The following LIPI variants were observed in gnomAD, a reference collection of about 807,000 sequenced individuals.
LIPI encodes the protein lipase I, also known as lipase member I.
LIPI carries 59 observed loss-of-function variants against 50.6 expected under a neutral mutation model. The ratio of observed to expected loss-of-function variants is 1.16; its 90% CI spans 0.94 to 1.45. The LOEUF is 1.45. LIPI is among the 40% of genes most tolerant of loss of function. LIPI has a pLI of 0.00. For synonymous variants in LIPI, 203 were observed against 178.2 expected (o/e 1.14, Z -1.11); for missense variants, 586 against 536.3 (o/e 1.09, Z -0.92).
At chr21:14,146,545 A>T (rs2017911415) in intron 8 of LIPI, among the ~76,000 whole-genome samples, 1 of 152,154 alleles carries the variant, frequency 6.6e-6, no homozygotes, top group African/African-American at 2.4e-5. Flanking sequence ...TTCCTGCAAC[A>T]GCATCTTGCT....
At chr21:14,162,825 C>T (rs1045923006) in intron 7 of LIPI, among the ~76,000 whole-genome samples, 2 of 151,930 alleles carry the variant, frequency 1.3e-5, no homozygotes, top group African/African-American at 2.4e-5. Context: ...TAATTCAAAA[C>T]TTCCTCCATA....
chr21:14,172,252 C>A (rs967966783), intron 4 of LIPI, among the ~76,000 whole-genome samples: 1 of 151,574 alleles, frequency 6.6e-6, no homozygotes, highest in African/African-American at 2.4e-5. Context: ...AATAGGAACA[C>A]TTTTACACTG....
chr21:14,206,843 C>A, intron 1 of LIPI: 1 of 1,611,462 alleles, frequency 6.2e-7, no homozygotes, highest in Non-Finnish European at 8.5e-7. Flanking sequence ...CTAGAAGCCA[C>A]AGGACATTTC....
rs1466064707 is a variant in LIPI at position 14,163,111 on chromosome 21, A to G, written c.1006+308T>C. Among the ~76,000 whole-genome samples, 3 of 150,802 alleles carry G rather than the reference A, an allele frequency of 2.0e-5. No homozygotes were observed. In the East Asian group the frequency reaches 5.8e-4, roughly 29 times the overall value. On this transcript the variant is annotated intron_variant, in intron 7 of 9. Coordinates refer to ENST00000681601, the MANE Select transcript of LIPI (RefSeq NM_001302998.2). Reference sequence around the variant, plus strand: ...CAGACTGTATATATATATATATATCATAGGCTCCTTAATATGTTACATGCC... The same window carrying G: ...CAGACTGTATATATATATATATATCGTAGGCTCCTTAATATGTTACATGCC...
At position 14,132,053 on chromosome 21, in the gene LIPI, C is replaced by G. The variant is rs190059383; in HGVS notation, c.1295+12570G>C. Among the ~76,000 whole-genome samples the G allele has an allele frequency of 2.8e-3, 425 of 152,158 alleles. 5 individuals are homozygous for G. The highest frequency in any genetic ancestry group is 4.2e-3 in the South Asian group (20 of 4,814). ...CAAATAAACAAACAAAAAAACAAAG[C>G]CTTTAACATCTTTTACTACATGAAG... On this transcript the variant is annotated intron_variant, in intron 9 of 9. Transcript: ENST00000681601.
At chr21:14,172,701 C>T (rs2018959049) in intron 4 of LIPI, among the ~76,000 whole-genome samples, 1 of 151,230 alleles carries the variant, frequency 6.6e-6, no homozygotes, top group Non-Finnish European at 1.5e-5. Context: ...GAACATCACA[C>T]TCTGGGGACT....
intron 1 of LIPI, among the ~76,000 whole-genome samples, chr21:14,204,329 A>G (rs2020164037): frequency 6.6e-6 from 1 of 151,798 alleles, no homozygotes; most frequent in Non-Finnish European, 1.5e-5. Flanking sequence ...GAGAGAGAAA[A>G]GAAGGAAAAG....
intron 9 of LIPI, among the ~76,000 whole-genome samples, chr21:14,129,981 A>C (rs2017225561): frequency 6.6e-6 from 1 of 152,178 alleles, no homozygotes; most frequent in Non-Finnish European, 1.5e-5. Flanking sequence ...GAACCTGGAC[A>C]GCATCATTTG....
chr21:14,121,595 T>G (rs555625669), intron 9 of LIPI, among the ~76,000 whole-genome samples: 84 of 152,248 alleles, frequency 5.5e-4, no homozygotes, highest in African/African-American at 2.0e-3. Flanking sequence ...ATGCAATACA[T>G]CCCTTTAAAC....
intron 1 of LIPI, among the ~76,000 whole-genome samples, chr21:14,191,597 A>G (rs902187490): frequency 1.2e-4 from 18 of 152,164 alleles, no homozygotes; most frequent in African/African-American, 3.9e-4. Flanking sequence ...AGTATATTCT[A>G]TACAAAATAA....
At chr21:14,198,655 C>A (rs2019945532) in intron 1 of LIPI, among the ~76,000 whole-genome samples, 1 of 152,032 alleles carries the variant, frequency 6.6e-6, no homozygotes, top group African/African-American at 2.4e-5. Flanking sequence ...GACTCAGAAT[C>A]CCACACAATA....
chr21:14,169,068 C>T (rs1019342121), intron 4 of LIPI, among the ~76,000 whole-genome samples: 1 of 152,140 alleles, frequency 6.6e-6, no homozygotes, highest in Non-Finnish European at 1.5e-5. Context: ...CAATCCTAGT[C>T]TGTGATGAAA....
intron 5 of LIPI, among the ~76,000 whole-genome samples, chr21:14,165,927 T>C (rs1436764706): frequency 1.3e-5 from 2 of 152,214 alleles, no homozygotes. Context: ...TGAGCCAAAT[T>C]CCACACCTGG....
chr21:14,162,081 A>C (rs867760999), intron 7 of LIPI, among the ~76,000 whole-genome samples: 1 of 149,520 alleles, frequency 6.7e-6, no homozygotes, highest in Non-Finnish European at 1.5e-5. Context: ...ATAGATAGAT[A>C]GATCAATATG....
At chr21:14,148,249 T>C (rs1220211575) in intron 8 of LIPI, among the ~76,000 whole-genome samples, 1 of 152,160 alleles carries the variant, frequency 6.6e-6, no homozygotes, top group East Asian at 1.9e-4. Context: ...TATTCCTGGA[T>C]GGTATAATTA....
intron 2 of LIPI, among the ~76,000 whole-genome samples, chr21:14,188,717 T>C (rs922204739): frequency 1.3e-5 from 2 of 152,128 alleles, no homozygotes; most frequent in African/African-American, 4.8e-5. Flanking sequence ...AGGATAACTA[T>C]TTTATTCTGA....
Position 14,161,632 on chromosome 21 carries a change from T to A in LIPI, c.1006+1787A>T, listed in dbSNP as rs540301595. On this transcript the variant is annotated intron_variant, in intron 7 of 9. Coordinates refer to ENST00000681601, the MANE Select transcript of LIPI (RefSeq NM_001302998.2). ...ATAATATACATATATAATATATTAA[T>A]ATATAATATATACATTATTATATAT... is the stretch of plus-strand genomic sequence containing the variant. 1.8e-3 allele frequency among the ~76,000 whole-genome samples: 199 copies of A among 110,912 alleles called. 4 individuals are homozygous for A. Among genetic ancestry groups the A allele is most frequent in the Non-Finnish European group, 2.5e-3 (147 of 59,560 alleles). The allele number at this position is 110,912 out of a possible 152,430, so 72.8% of individuals were successfully genotyped here.
In LIPI at chr21:14,163,432, T is replaced by C; in HGVS notation, c.993A>G (p.Thr331=). The stretch of plus-strand genomic sequence containing the variant: ...TTAATAACTTACTACAGAATGGATA[T>C]GTACCACTTGTATCCAAAAACACAG... ...RTTVFLDTSG[T]YPFCTYYFVL... is the part of the protein sequence containing the mutation. The change falls in exon 7 of 10, where the codon ACA becomes ACG. Residue 331 remains threonine (T), a synonymous_variant. Transcript: ENST00000681601. 2 of 1,478,738 alleles carry C rather than the reference T, an allele frequency of 1.4e-6. No individual in the cohort carries two copies. Among genetic ancestry groups the C allele is most frequent in the Non-Finnish European group, 9.5e-7 (1 of 1,057,068 alleles). 91.6% of individuals were successfully genotyped at this position (1,478,738 alleles called of 1,614,324 possible).
At chr21:14,111,708 A>G (rs549019429) in intron 9 of LIPI, among the ~76,000 whole-genome samples, 1 of 152,074 alleles carries the variant, frequency 6.6e-6, no homozygotes, top group East Asian at 1.9e-4. Context: ...TCTTCTAGCA[A>G]GTTTATAGTT....
Sources: gnomAD v4.1 joint callset for allele counts (sites outside exome capture counted in the v4.1 genomes callset) on GRCh38, gnomAD v4.1.1 for gene constraint, MANE v1.5 for transcripts, NCBI Gene and HGNC (gene_info 2026-07-23, HGNC 2026-07-21) for gene names.